The following PLCH2 variants were observed in gnomAD, a reference collection of about 807,000 sequenced individuals.
PLCH2 encodes the protein phospholipase C eta 2, also known as 1-phosphatidylinositol 4,5-bisphosphate phosphodiesterase eta-2.
A neutral mutation model predicts 134.7 loss-of-function variants in PLCH2; 98 were observed. The ratio of observed to expected loss-of-function variants is 0.73; its 90% confidence interval spans 0.62 to 0.86. PLCH2 has a LOEUF of 0.86. Among genes scored for constraint, PLCH2 ranks in the 40% least tolerant of loss-of-function variants. The probability of loss-of-function intolerance (pLI) is 0.00; values close to 1 mark genes in which losing one functional copy is unlikely to be tolerated. For missense variants in PLCH2, 1,994 were observed against 1,986.6 expected, an observed-to-expected ratio of 1.00 and a Z score of -0.07; for synonymous variants, 974 against 827.5, an observed-to-expected ratio of 1.18 and a Z score of -3.04.
the PLCH2 span, among the ~76,000 whole-genome samples, chr1:2,419,025 T>C: frequency 1.6e-3 from 240 of 152,300 alleles, 6 homozygotes; most frequent in East Asian, 0.04. Context: ...GCCCGACGCC[T>C]CTCTCTGCGG....
chr1:2,452,300 C>T (rs895739699), intron 2 of PLCH2, among the ~76,000 whole-genome samples: 2 of 152,208 alleles, frequency 1.3e-5, no homozygotes, highest in African/African-American at 4.8e-5. Context: ...GCCCCCCATC[C>T]CCCGGCCCTG....
intron 2 of PLCH2, among the ~76,000 whole-genome samples, chr1:2,438,841 C>T (rs370821668): frequency 1.3e-5 from 2 of 152,328 alleles, no homozygotes; most frequent in South Asian, 2.1e-4. Context: ...ACCTTCCCTG[C>T]AGATCTAGGG....
At chr1:2,420,900 A>G in the PLCH2 span, among the ~76,000 whole-genome samples, 4 of 149,822 alleles carry the variant, frequency 2.7e-5, no homozygotes, top group Non-Finnish European at 5.9e-5. Flanking sequence ...TGGTGCGAGT[A>G]TTTTAATCAC....
the PLCH2 span, among the ~76,000 whole-genome samples, chr1:2,420,911 T>C: frequency 6.6e-6 from 1 of 152,168 alleles, no homozygotes; most frequent in African/African-American, 2.4e-5. Flanking sequence ...TTTTAATCAC[T>C]ATTAGTGGGG....
intron 2 of PLCH2, among the ~76,000 whole-genome samples, chr1:2,447,230 T>C (rs1639983709): frequency 6.6e-6 from 1 of 152,180 alleles, no homozygotes. Context: ...CTTCCAGGGC[T>C]AGGGTGGCTG....
At chr1:2,474,904 G>A (rs188388511), upstream of PLCH2, among the ~76,000 whole-genome samples, 436 of 152,290 alleles carry the variant, frequency 2.9e-3, 8 homozygotes, top group East Asian at 0.018. Context: ...CCCCTTACAC[G>A]GTGGCCTTCC....
rs750682452 is a variant in PLCH2, at chr1:2,498,680, G to A, written c.2349+33G>A. ...CCAGCCCCACACAGGCGGGAGGGGT[G>A]GGAGTTGGGGGCGGGCCGGGCATCG... On this transcript the variant is annotated intron_variant, in intron 17 of 21. Coordinates refer to ENST00000378486, the MANE Select transcript of PLCH2 (RefSeq NM_014638.4). The surrounding 1 kb of genome is among the most constrained non-coding windows in gnomAD (Gnocchi z 5.4). The A allele has an allele frequency of 1.3e-6, 2 of 1,528,682 alleles. No individual in the cohort carries two copies. Among genetic ancestry groups the A allele is most frequent in the African/African-American group, 1.4e-5 (1 of 73,442 alleles). 94.7% of individuals were successfully genotyped at this position (1,528,682 alleles called of 1,614,324 possible). A position where few individuals can be genotyped will look rare whatever the true frequency, so the allele number is the denominator to read the frequency against.
intron 2 of PLCH2, among the ~76,000 whole-genome samples, chr1:2,457,129 C>T (rs1012794996): frequency 5.3e-5 from 8 of 152,234 alleles, no homozygotes; most frequent in Non-Finnish European, 1.2e-4. Flanking sequence ...ACTGGCCAGC[C>T]CTTGTGCAGG....
At chr1:2,490,230 C>A (rs1642499011) in intron 10 of PLCH2, among the ~76,000 whole-genome samples, 1 of 152,206 alleles carries the variant, frequency 6.6e-6, no homozygotes, top group African/African-American at 2.4e-5. Context: ...CAGGCCCTGG[C>A]ACAGGATTTC....
At chr1:2,474,015 A>T (rs759960565), upstream of PLCH2, among the ~76,000 whole-genome samples, 1 of 152,122 alleles carries the variant, frequency 6.6e-6, no homozygotes, top group Non-Finnish European at 1.5e-5. Context: ...GTGGAACCAC[A>T]GAGCAGAGCG....
At chr1:2,436,962 T>C (rs1639451828) in intron 2 of PLCH2, among the ~76,000 whole-genome samples, 1 of 152,100 alleles carries the variant, frequency 6.6e-6, no homozygotes, top group African/African-American at 2.4e-5. Flanking sequence ...GGGTGCACCT[T>C]GGGTGGGGGT....
At chr1:2,422,762 C>CA (rs1020560995), upstream of PLCH2, among the ~76,000 whole-genome samples, 1 of 152,156 alleles carries the variant, frequency 6.6e-6, no homozygotes, top group African/African-American at 2.4e-5. Flanking sequence ...ACTGTGGCCT[C>CA]AAACTCCTGG....
chr1:2,461,551 G>C (rs1208793114), intron 2 of PLCH2, among the ~76,000 whole-genome samples: 1 of 152,160 alleles, frequency 6.6e-6, no homozygotes. Flanking sequence ...GGCTGGCTCA[G>C]CTTTCGCTCC....
intron 15 of PLCH2, among the ~76,000 whole-genome samples, 200 bp from the exon 16 acceptor site, chr1:2,497,302 G>A (rs1160410647): frequency 2.6e-5 from 4 of 152,264 alleles, no homozygotes; most frequent in Admixed American, 6.5e-5. Context: ...CGCCAGCTCC[G>A]GGGATGTCCC....
At chr1:2,467,946 A>G (rs1641145365) in intron 1 of PLCH2, among the ~76,000 whole-genome samples, 1 of 152,188 alleles carries the variant, frequency 6.6e-6, no homozygotes, top group Non-Finnish European at 1.5e-5. Context: ...GACACGTGAA[A>G]GCGAGAGGGT....
At chr1:2,430,846 G>A (rs974968597) in intron 2 of PLCH2, among the ~76,000 whole-genome samples, 1 of 152,314 alleles carries the variant, frequency 6.6e-6, no homozygotes, top group Non-Finnish European at 1.5e-5. Context: ...TGCAATTCAA[G>A]AGCTCTCAGT....
At chr1:2,477,836 C>T (rs1311143393) in intron 1 of PLCH2, among the ~76,000 whole-genome samples, 1 of 152,196 alleles carries the variant, frequency 6.6e-6, no homozygotes, top group Non-Finnish European at 1.5e-5. Flanking sequence ...GCTTGTTGCA[C>T]ATGAGGGGTG....
intron 11 of PLCH2, chr1:2,493,050 G>A (rs1263144283): frequency 6.6e-6 from 1 of 152,182 alleles, no homozygotes; most frequent in Non-Finnish European, 1.5e-5. Context: ...AGGCAGGGCT[G>A]GGGGGCCTGC....
chr1:2,418,082 G>C, the PLCH2 span, among the ~76,000 whole-genome samples: 1 of 152,258 alleles, frequency 6.6e-6, no homozygotes, highest in African/African-American at 2.4e-5. Flanking sequence ...ACCTGCAGGA[G>C]CTGTGGAGTC....
Sources: allele counts gnomAD v4.1 joint callset (sites outside exome capture counted in the v4.1 genomes callset), GRCh38; gene constraint gnomAD v4.1.1; non-coding constraint Gnocchi (gnomAD v3.1); transcripts MANE v1.5; gene names NCBI Gene and HGNC (gene_info 2026-07-23, HGNC 2026-07-21).